UQCC1: variants seen among roughly 807,000 people sequenced by gnomAD.
UQCC1 encodes ubiquinol-cytochrome c reductase complex assembly factor 1, also known as bFGF-repressed Zic-binding protein.
In UQCC1, 38 loss-of-function variants were observed where a neutral mutation model predicts 48.0. The observed-to-expected ratio is 0.79, with a 90% CI of 0.61 to 1.04. The LOEUF (loss-of-function observed/expected upper bound fraction) is 1.04. Among genes scored for constraint, UQCC1 ranks in the 50% least tolerant of loss-of-function variants. The pLI is 0.00. For synonymous variants in UQCC1, 111 were observed against 129.2 expected (o/e 0.86, Z 0.95); for missense variants, 368 against 381.8 (o/e 0.96, Z 0.30).
chr20:35,395,457 C>CAA lies in UQCC1; in HGVS notation c.25-1263_25-1262dup, dbSNP rs577441185. The stretch of plus-strand genomic sequence containing the variant: ...CAACAAAGCGAGACCCCCAGCTATA[C>CAA]AAAAAAAAACCCATAAACTCATGTA... On this transcript the variant is annotated intron_variant, in intron 1 of 9. Transcript: ENST00000374385. Among the ~76,000 whole-genome samples the CAA allele has an allele frequency of 3.8e-3, 527 of 139,508 alleles. 2 individuals are homozygous for CAA. Among genetic ancestry groups the CAA allele is most frequent in the Middle Eastern group, 7.2e-3 (2 of 276 alleles). 91.5% of individuals were successfully genotyped at this position (139,508 alleles called of 152,430 possible). A position where few individuals can be genotyped will look rare whatever the true frequency, so the allele number is the denominator to read the frequency against.
At chr20:35,404,808 G>A (rs935227462) in intron 1 of UQCC1, among the ~76,000 whole-genome samples, 9 of 152,106 alleles carry the variant, frequency 5.9e-5, no homozygotes, top group African/African-American at 1.2e-4. Flanking sequence ...CAGGAGCACC[G>A]GTTGAAAACA....
At chr20:35,397,602 C>A (rs2062101238) in intron 1 of UQCC1, among the ~76,000 whole-genome samples, 1 of 151,400 alleles carries the variant, frequency 6.6e-6, no homozygotes, top group African/African-American at 2.4e-5. Flanking sequence ...CGTCACTACT[C>A]CCTAAATAAT....
intron 1 of UQCC1, among the ~76,000 whole-genome samples, chr20:35,404,796 C>A (rs188898292): frequency 2.3e-3 from 349 of 152,164 alleles, no homozygotes; most frequent in African/African-American, 8.3e-3. Context: ...AAACCTTTTC[C>A]CCAGGAGCAC....
intron 1 of UQCC1, 156 bp from the exon 2 acceptor site, chr20:35,394,352 CTGAG>C: frequency 1.5e-6 from 1 of 652,180 alleles, no homozygotes; most frequent in Non-Finnish European, 2.6e-6. Flanking sequence ...CTTGGAATTT[CTGAG>C]TGAGGGGGGT....
chr20:35,323,990 C>T (rs138820410), intron 7 of UQCC1, among the ~76,000 whole-genome samples: 124 of 152,352 alleles, frequency 8.1e-4, no homozygotes, highest in African/African-American at 2.9e-3. Flanking sequence ...CACAGTGGCT[C>T]ATGCCTGTAA....
intron 6 of UQCC1, among the ~76,000 whole-genome samples, chr20:35,366,041 T>C (rs560822826): frequency 3.3e-4 from 51 of 152,328 alleles, no homozygotes; most frequent in African/African-American, 1.2e-3. Context: ...GCTACTTATT[T>C]CACAGCTGAA....
At chr20:35,380,059 C>T (rs1009843023) in intron 4 of UQCC1, among the ~76,000 whole-genome samples, 1 of 152,028 alleles carries the variant, frequency 6.6e-6, no homozygotes, top group Non-Finnish European at 1.5e-5. Context: ...TGGTAGCAAC[C>T]AAGTGGAACC....
intron 4 of UQCC1, among the ~76,000 whole-genome samples, chr20:35,379,467 C>A (rs890124654): frequency 2.6e-5 from 4 of 152,196 alleles, no homozygotes; most frequent in African/African-American, 7.2e-5. Flanking sequence ...CTCAATTACA[C>A]TAGAATGTCA....
chr20:35,393,514 AC>A (rs1568706825), intron 2 of UQCC1, among the ~76,000 whole-genome samples: 16 of 151,370 alleles, frequency 1.1e-4, no homozygotes, highest in African/African-American at 3.6e-4. Context: ...ACACACACAC[AC>A]ACACACACAC....
At chr20:35,358,356 CAAAAAA>C (rs1198006186) in intron 6 of UQCC1, among the ~76,000 whole-genome samples, 7 of 49,390 alleles carry the variant, frequency 1.4e-4, no homozygotes, top group African/African-American at 6.1e-4. Flanking sequence ...GACTCTGTCT[CAAAAAA>C]AAAAAAAAAA....
intron 7 of UQCC1, among the ~76,000 whole-genome samples, chr20:35,341,440 G>C (rs1177188019): frequency 6.6e-6 from 1 of 151,972 alleles, no homozygotes; most frequent in Non-Finnish European, 1.5e-5. Flanking sequence ...ATAAAAAACG[G>C]TATCTCCCTG....
intron 5 of UQCC1, among the ~76,000 whole-genome samples, chr20:35,369,721 C>T (rs2061708661): frequency 6.6e-6 from 1 of 152,070 alleles, no homozygotes; most frequent in African/African-American, 2.4e-5. Flanking sequence ...AAATGTTTAG[C>T]AAAATGGTTA....
intron 7 of UQCC1, among the ~76,000 whole-genome samples, chr20:35,341,499 CATTCTTCAGATAGTTACTGGGCACCT>C (rs1185092691): frequency 6.6e-6 from 1 of 152,146 alleles, no homozygotes; most frequent in Non-Finnish European, 1.5e-5. Context: ...TGGCTTCCTT[CATTCTTCAGATAGTTACTGGGCACCT>C]ATTCAGGAAA....
intron 8 of UQCC1, among the ~76,000 whole-genome samples, chr20:35,313,463 A>T (rs1482642274): frequency 1.3e-5 from 2 of 152,004 alleles, no homozygotes; most frequent in South Asian, 4.2e-4. Context: ...CAGTGAAAAA[A>T]GCAAGTTGCA....
intron 5 of UQCC1, among the ~76,000 whole-genome samples, chr20:35,371,699 G>GAAAAAAAAAAAAAAAA (rs57335287): frequency 1.1e-5 from 1 of 92,234 alleles, no homozygotes; most frequent in African/African-American, 4.4e-5. Context: ...GGCACTTAAA[G>GAAAAAAAAAAAAAAAA]AAAAAAAAAA....
intron 1 of UQCC1, among the ~76,000 whole-genome samples, chr20:35,395,450 A>C (rs1160629272): frequency 6.6e-6 from 1 of 151,696 alleles, no homozygotes; most frequent in Non-Finnish European, 1.5e-5. Context: ...CGAGACCCCC[A>C]GCTATACAAA....
intron 6 of UQCC1, among the ~76,000 whole-genome samples, chr20:35,353,425 G>A (rs1247254878): frequency 6.6e-6 from 1 of 151,036 alleles, no homozygotes; most frequent in African/African-American, 2.4e-5. Context: ...AAATTAAAAA[G>A]TTTATAAAGT....
intron 1 of UQCC1, among the ~76,000 whole-genome samples, chr20:35,402,580 AAAACAAACAAACAAAC>A (rs201662360): frequency 1.8e-4 from 25 of 142,102 alleles, no homozygotes; most frequent in Non-Finnish European, 7.6e-5. Flanking sequence ...TCCATCTCAA[AAAACAAACAAACAAAC>A]AAACAAACAA....
At chr20:35,348,695 C>T (rs756582511) in intron 6 of UQCC1, among the ~76,000 whole-genome samples, 3 of 152,184 alleles carry the variant, frequency 2.0e-5, no homozygotes, top group Non-Finnish European at 2.9e-5. Flanking sequence ...ATTCTGTCAC[C>T]CAGGCCGGAA....
Sources: allele counts gnomAD v4.1 joint callset (sites outside exome capture counted in the v4.1 genomes callset), GRCh38; gene constraint gnomAD v4.1.1; transcripts MANE v1.5; gene names NCBI Gene and HGNC (gene_info 2026-07-23, HGNC 2026-07-21).